The following GRIK3 variants were observed in gnomAD, a reference collection of about 807,000 sequenced individuals.
GRIK3 encodes the protein glutamate ionotropic receptor kainate type subunit 3, also known as glutamate receptor ionotropic, kainate 3.
In GRIK3, 29 loss-of-function variants were observed where a neutral mutation model predicts 102.5. That is an observed-to-expected ratio of 0.28 (90% CI 0.21 to 0.39). GRIK3 has a LOEUF of 0.39. GRIK3 is among the 10% of genes least tolerant of loss of function. The pLI is 1.00. For missense variants in GRIK3, 908 were observed against 1,252.4 expected (o/e 0.73, Z 4.15); for synonymous variants, 511 against 504.9 (o/e 1.01, Z -0.16).
At chr1:37,011,918 C>T (rs1642600538) in intron 1 of GRIK3, among the ~76,000 whole-genome samples, 1 of 152,128 alleles carries the variant, frequency 6.6e-6, no homozygotes, top group African/African-American at 2.4e-5. Context: ...GGAAAGCAAA[C>T]CTTTTTGGGG....
intron 15 of GRIK3, among the ~76,000 whole-genome samples, chr1:36,802,410 C>T (rs1285867876): frequency 6.6e-6 from 1 of 152,170 alleles, no homozygotes; most frequent in African/African-American, 2.4e-5. Flanking sequence ...TCCCCATGGG[C>T]CCAACTTTCG....
At chr1:36,922,764 TGCTCAGG>T (rs1388557378) in intron 1 of GRIK3, among the ~76,000 whole-genome samples, 3 of 152,154 alleles carry the variant, frequency 2.0e-5, no homozygotes, top group Non-Finnish European at 2.9e-5. Context: ...TGCGGCTGCT[TGCTCAGG>T]GCTCAGATCT....
intron 1 of GRIK3, among the ~76,000 whole-genome samples, chr1:36,995,731 G>T (rs542643800): frequency 1.3e-5 from 2 of 152,246 alleles, no homozygotes; most frequent in South Asian, 4.2e-4. Context: ...AGAAACAGGG[G>T]CCTGCAGTTT....
chr1:36,973,222 C>A (rs1370139666), intron 1 of GRIK3, among the ~76,000 whole-genome samples: 1 of 152,198 alleles, frequency 6.6e-6, no homozygotes, highest in Non-Finnish European at 1.5e-5. Context: ...CTGCCTGCCT[C>A]CTTAGAAGCA....
At chr1:36,973,918 C>T (rs1642169567) in intron 1 of GRIK3, among the ~76,000 whole-genome samples, 1 of 152,074 alleles carries the variant, frequency 6.6e-6, no homozygotes, top group South Asian at 2.1e-4. Context: ...TCACTCAGCC[C>T]CTCATGAGAA....
chr1:36,870,820 G>T (rs1244482269), intron 4 of GRIK3, among the ~76,000 whole-genome samples: 1 of 151,574 alleles, frequency 6.6e-6, no homozygotes, highest in South Asian at 2.1e-4. Flanking sequence ...TCCCAGTGTG[G>T]TGATAAATGA....
chr1:36,979,776 C>T (rs907468047), intron 1 of GRIK3, among the ~76,000 whole-genome samples: 1 of 152,170 alleles, frequency 6.6e-6, no homozygotes, highest in Non-Finnish European at 1.5e-5. Context: ...GGCTGTGGGG[C>T]ACAGAAGCCA....
intron 10 of GRIK3, among the ~76,000 whole-genome samples, chr1:36,838,871 C>T (rs1300565769): frequency 6.6e-6 from 1 of 152,166 alleles, no homozygotes; most frequent in Non-Finnish European, 1.5e-5. Flanking sequence ...GATTAATAGG[C>T]TCATCAATTG....
chr1:36,991,306 C>T (rs1315022426), intron 1 of GRIK3, among the ~76,000 whole-genome samples: 2 of 152,222 alleles, frequency 1.3e-5, no homozygotes, highest in East Asian at 1.9e-4. Context: ...CTCCCCTTCA[C>T]AGGAGTCCTA....
At chr1:36,861,471 A>G (rs1640724774) in intron 5 of GRIK3, among the ~76,000 whole-genome samples, 1 of 152,148 alleles carries the variant, frequency 6.6e-6, no homozygotes, top group Admixed American at 6.5e-5. Context: ...GGCTGGGGAC[A>G]CACTTGGGGT....
At position 37,012,357 on chromosome 1, in the gene GRIK3, G is replaced by C. The variant is rs1570865099; in HGVS notation, c.115+21637C>G. Among the ~76,000 whole-genome samples, 4 of 152,318 alleles carry C rather than the reference G, an allele frequency of 2.6e-5. 1 individual carries two copies. Among genetic ancestry groups the C allele is most frequent in the Admixed American group, 2.6e-4 (4 of 15,298 alleles). On this transcript the variant is annotated intron_variant, in intron 1 of 15. Coordinates refer to ENST00000373091, the MANE Select transcript of GRIK3 (RefSeq NM_000831.4). ...CTGGGAACTGGGCCCTGGCAGCTAA[G>C]TCTCTGTGGCTTTATCTTCATGACA...
intron 1 of GRIK3, among the ~76,000 whole-genome samples, chr1:36,920,435 G>A (rs2124303405): frequency 6.6e-6 from 1 of 152,154 alleles, no homozygotes; most frequent in South Asian, 2.1e-4. Flanking sequence ...TCTGCCTGAG[G>A]CCCAGGGTAA....
At chr1:36,890,884 C>T in intron 2 of GRIK3, 36 bp downstream of exon 2, 1 of 1,524,946 alleles carries the variant, frequency 6.6e-7, no homozygotes, top group Non-Finnish European at 8.9e-7. Flanking sequence ...CCTCCCCAGG[C>T]TGGGAAGAGA....
chr1:36,814,405 A>T lies in GRIK3; in HGVS notation c.2091+2655T>A, dbSNP rs3753761. 1.6e-3 allele frequency among the ~76,000 whole-genome samples: 234 copies of T among 149,848 alleles called. 4 individuals carry two copies. The highest frequency in any genetic ancestry group is 0.014 in the East Asian group (73 of 5,172). On this transcript the variant is annotated intron_variant, in intron 13 of 15. Coordinates refer to ENST00000373091, the MANE Select transcript of GRIK3 (RefSeq NM_000831.4). The stretch of plus-strand genomic sequence containing the variant: ...AGCAGGCAGGCATGTGTGCACATAC[A>T]CACACATACACATGCAGACACATAT...
At chr1:36,986,518 G>A (rs1245026656) in intron 1 of GRIK3, among the ~76,000 whole-genome samples, 1 of 151,086 alleles carries the variant, frequency 6.6e-6, no homozygotes, top group Non-Finnish European at 1.5e-5. Flanking sequence ...ATTAATTAAG[G>A]TCATGTTCCC....
chr1:36,975,787 A>G (rs1469924103), intron 1 of GRIK3, among the ~76,000 whole-genome samples: 1 of 152,174 alleles, frequency 6.6e-6, no homozygotes, highest in Non-Finnish European at 1.5e-5. Context: ...TTACAGCTGC[A>G]AATTCTTATT....
chr1:36,956,113 G>C (rs578126581), intron 1 of GRIK3, among the ~76,000 whole-genome samples: 2 of 152,214 alleles, frequency 1.3e-5, no homozygotes, highest in African/African-American at 4.8e-5. Context: ...CCTGGGGGAC[G>C]GCAGGCCCTA....
At position 36,797,355 on chromosome 1, in the gene GRIK3, C is replaced by T. The variant is rs1370355441; in HGVS notation, c.*4496G>A. ...ATATATTGTACAGAACATTAACCTT[C>T]TACCTAAAAGTTTTGTGACTCACGT... On this transcript the variant is annotated 3_prime_UTR_variant, in exon 16 of 16. Transcript: ENST00000373091. 6.6e-6 allele frequency: 1 copy of T among 151,952 alleles called. No homozygotes were observed. Among genetic ancestry groups the T allele is most frequent in the East Asian group, 1.9e-4 (1 of 5,172 alleles). 9.4% of individuals were successfully genotyped at this position (151,952 alleles called of 1,614,324 possible).
chr1:36,984,135 C>T (rs368525446), intron 1 of GRIK3, among the ~76,000 whole-genome samples: 1 of 152,242 alleles, frequency 6.6e-6, no homozygotes. Flanking sequence ...CACTCAGCCT[C>T]GGCAACCACA....
Sources: allele counts gnomAD v4.1 joint callset (sites outside exome capture counted in the v4.1 genomes callset), GRCh38; gene constraint gnomAD v4.1.1; transcripts MANE v1.5; gene names NCBI Gene and HGNC (gene_info 2026-07-23, HGNC 2026-07-21).